Variants in KLK2 observed in about 807,000 individuals in gnomAD.
KLK2 encodes kallikrein-2.
In KLK2, 17 loss-of-function variants were observed where a neutral mutation model predicts 23.0. The observed-to-expected ratio is 0.74, with a 90% CI of 0.51 to 1.11. The LOEUF (loss-of-function observed/expected upper bound fraction) is 1.11, where lower values mean the gene tolerates loss of function less well. Among genes scored for constraint, KLK2 ranks in the 50% least tolerant of loss-of-function variants. The probability of loss-of-function intolerance (pLI) is 0.00; values close to 1 mark genes in which losing one functional copy is unlikely to be tolerated. For missense variants in KLK2, 330 were observed against 325.9 expected (o/e 1.01, Z -0.10); for synonymous variants, 140 against 124.7 (o/e 1.12, Z -0.82).
chr19:50,874,451 C>T, intron 1 of KLK2: 1 of 320,122 alleles, frequency 3.1e-6, no homozygotes, highest in Non-Finnish European at 5.7e-6. Flanking sequence ...CAACCCGATG[C>T]CTGCTTCAGA....
chr19:50,874,864 G>T lies in KLK2; in HGVS notation c.190G>T (p.Ala64Ser). Residue 64 changes from alanine to serine, a missense_variant, in exon 2 of 5, where the codon GCC becomes TCC. Physicochemically the swap from Ala to Ser is moderately conservative, Grantham distance 99 (BLOSUM62 1). Coordinates refer to ENST00000325321, the MANE Select transcript of KLK2 (RefSeq NM_005551.5). ...GCACCCCCAGTGGGTGCTCACAGCT[G>T]CCCATTGCCTAAAGAAGTAAGTAGG... is the stretch of plus-strand genomic sequence containing the variant. Reference protein sequence around the residue: ...LVHPQWVLTAAHCLKKNSQVW... With the variant: ...LVHPQWVLTASHCLKKNSQVW... 6.2e-7 allele frequency: 1 copy of T among 1,612,940 alleles called. No individual in the cohort carries two copies.
At position 50,876,975 on chromosome 19, in the gene KLK2, T is replaced by C. The variant is rs770997664; in HGVS notation, c.597T>C (p.Ala199=). Residue 199 remains alanine (A), a synonymous_variant, in exon 4 of 5, where the codon GCT becomes GCC. Transcript: ENST00000325321. Reference sequence around the variant, plus strand: ...AGGTGACAGAGTTCATGTTGTGTGCTGGGCTCTGGACAGGTGGTAAAGACA... The same window carrying C: ...AGGTGACAGAGTTCATGTTGTGTGCCGGGCTCTGGACAGGTGGTAAAGACA... ...SEKVTEFMLC[A]GLWTGGKDTC... 1 of 1,614,092 alleles carries C rather than the reference T, an allele frequency of 6.2e-7. No homozygotes were observed. Among genetic ancestry groups the C allele is most frequent in the African/African-American group, 1.3e-5 (1 of 74,934 alleles).
rs1055206200 is a variant in KLK2, at chr19:50,880,048, A to C, written c.*1489A>C. 7 of 229,330 alleles carry C rather than the reference A, an allele frequency of 3.1e-5. No homozygotes were observed. In the Admixed American group the frequency reaches 3.4e-4, roughly 11 times the overall value. The allele number at this position is 229,330 out of a possible 1,614,324, so 14.2% of individuals were successfully genotyped here. On this transcript the variant is annotated 3_prime_UTR_variant, in exon 5 of 5. Coordinates refer to ENST00000325321, the MANE Select transcript of KLK2 (RefSeq NM_005551.5). ...TCCAGAAATAGGGGCACATTGAGGA[A>C]TGATACTGAGCCCAAAGAGCATTCA...
rs1044802355 is a variant in KLK2 at position 50,874,555 on chromosome 19, C to T, written c.47-166C>T. The T allele has an allele frequency of 7.1e-6, 4 of 564,906 alleles. No individual in the cohort carries two copies. In the African/African-American group the frequency reaches 7.6e-5, roughly 11 times the overall value. 35.0% of individuals were successfully genotyped at this position (564,906 alleles called of 1,614,324 possible). ...TGGTCCAGCCACCAACCCGCTAACG[C>T]AGGGAATAGCTACAGAATTGCCAGC... On this transcript the variant is annotated intron_variant, in intron 1 of 4. Coordinates refer to ENST00000325321, the MANE Select transcript of KLK2 (RefSeq NM_005551.5).
Position 50,880,200 on chromosome 19 carries a change from T to C in KLK2, c.*1641T>C, listed in dbSNP as rs557738502. On this transcript the variant is annotated 3_prime_UTR_variant, in exon 5 of 5. Coordinates refer to ENST00000325321, the MANE Select transcript of KLK2 (RefSeq NM_005551.5). ...TATGAGATCAACAGTTTCTTAGCCA[T>C]AGAGATTCACAGCCCAGAGCAGGAG... The C allele has an allele frequency of 3.9e-5, 9 of 230,294 alleles. No individual in the cohort carries two copies. In the South Asian group the frequency reaches 1.5e-3, roughly 37 times the overall value. 14.3% of individuals were successfully genotyped at this position (230,294 alleles called of 1,614,324 possible).
intron 4 of KLK2, chr19:50,877,213 C>A: frequency 3.1e-6 from 2 of 646,122 alleles, no homozygotes; most frequent in Non-Finnish European, 5.4e-6. Context: ...CATAATTCAC[C>A]CATTCCTGTG....
chr19:50,874,218 A>G (rs1247658306), intron 1 of KLK2: 1 of 153,350 alleles, frequency 6.5e-6, no homozygotes, highest in East Asian at 1.9e-4. Context: ...CCTCAAAAAC[A>G]AAACAAAACA....
chr19:50,875,050 C>G, intron 2 of KLK2, 170 bp downstream of exon 2: 1 of 1,300,566 alleles, frequency 7.7e-7, no homozygotes, highest in Non-Finnish European at 1.0e-6. Context: ...CCACTCTCCC[C>G]ATGGCTGCCT....
In KLK2 at chr19:50,880,261, C is replaced by T. The variant is rs986627752; in HGVS notation, c.*1702C>T. ...ACCATGCAGGATGACATGGGGGATG[C>T]GCTCGGGATTGGTGTGAAGAAGCAA... is the stretch of plus-strand genomic sequence containing the variant. On this transcript the variant is annotated 3_prime_UTR_variant, in exon 5 of 5. Coordinates refer to ENST00000325321, the MANE Select transcript of KLK2 (RefSeq NM_005551.5). The T allele has an allele frequency of 6.1e-5, 14 of 229,658 alleles. No homozygotes were observed. Among genetic ancestry groups the T allele is most frequent in the African/African-American group, 8.9e-5 (4 of 45,092 alleles). 14.2% of individuals were successfully genotyped at this position (229,658 alleles called of 1,614,324 possible).
chr19:50,874,546 C>A, intron 1 of KLK2, 175 bp from the exon 2 acceptor site: 1 of 550,910 alleles, frequency 1.8e-6, no homozygotes, highest in Non-Finnish European at 3.2e-6. Context: ...AGCCACCAAC[C>A]CGCTAACGCA....
intron 2 of KLK2, 138 bp downstream of exon 2, chr19:50,875,018 C>G: frequency 2.9e-6 from 4 of 1,394,772 alleles, no homozygotes; most frequent in Non-Finnish European, 3.7e-6. Flanking sequence ...AGGTCGCACC[C>G]GGAGGCAGAG....
At position 50,880,302 on chromosome 19, in the gene KLK2, G is replaced by A; in HGVS notation, c.*1743G>A. ...GAAGAAGCAAGGACTGTTAGAGGCA[G>A]GCTTTATAGTAACAAGACGGTGGGG... On this transcript the variant is annotated 3_prime_UTR_variant, in exon 5 of 5. Coordinates refer to ENST00000325321, the MANE Select transcript of KLK2 (RefSeq NM_005551.5). 4.4e-6 allele frequency: 1 copy of A among 228,996 alleles called. No homozygotes were observed. Among genetic ancestry groups the A allele is most frequent in the Admixed American group, 5.7e-5 (1 of 17,654 alleles). 14.2% of individuals were successfully genotyped at this position (228,996 alleles called of 1,614,324 possible).
rs777714551 is a variant in KLK2, at chr19:50,878,600, A to C, written c.*41A>C. The C allele has an allele frequency of 2.3e-5, 37 of 1,578,242 alleles. No homozygotes were observed. The highest frequency in any genetic ancestry group is 1.1e-4 in the East Asian group (5 of 44,252). On this transcript the variant is annotated 3_prime_UTR_variant, in exon 5 of 5. Transcript: ENST00000325321. ...CCCTACCTCTAGTAAATTTAAGTCC[A>C]CCTCACGTTCTGGCATCACTTGGCC... is the stretch of plus-strand genomic sequence containing the variant.
At chr19:50,874,437 C>T (rs146159836) in intron 1 of KLK2, 306 of 286,054 alleles carry the variant, frequency 1.1e-3, no homozygotes, top group Non-Finnish European at 1.6e-3. Context: ...AATGACCCAA[C>T]CCCCAACCCG....
rs1159613197 is a variant in KLK2 at position 50,880,109 on chromosome 19, G to T, written c.*1550G>T. On this transcript the variant is annotated 3_prime_UTR_variant, in exon 5 of 5. Transcript: ENST00000325321. Reference sequence around the variant, plus strand: ...TATTTGCCTTCTTTTCACACCATTGGTGAGGGAGGGATTACCACCCTGGGG... The same window carrying T: ...TATTTGCCTTCTTTTCACACCATTGTTGAGGGAGGGATTACCACCCTGGGG... 5 of 228,814 alleles carry T rather than the reference G, an allele frequency of 2.2e-5. No individual in the cohort carries two copies. 14.2% of individuals were successfully genotyped at this position (228,814 alleles called of 1,614,324 possible).
In KLK2 at chr19:50,873,494, C is replaced by G; in HGVS notation, c.21C>G (p.Ser7=). ...TCAGCATGTGGGACCTGGTTCTCTCCATCGCCTTGTCTGTGGGGTGCACTG... is the reference window on the plus strand; with the variant it reads ...TCAGCATGTGGGACCTGGTTCTCTCGATCGCCTTGTCTGTGGGGTGCACTG... MWDLVL[S]IALSVGCTGA... is the part of the protein sequence containing the mutation. Residue 7 remains serine (S), a synonymous_variant, in exon 1 of 5, where the codon TCC becomes TCG. Coordinates refer to ENST00000325321, the MANE Select transcript of KLK2 (RefSeq NM_005551.5). The G allele has an allele frequency of 6.2e-7, 1 of 1,602,242 alleles. No individual in the cohort carries two copies. Among genetic ancestry groups the G allele is most frequent in the Non-Finnish European group, 8.5e-7 (1 of 1,173,090 alleles).
In KLK2 at chr19:50,879,986, AT is replaced by A. The variant is rs1394868713; in HGVS notation, c.*1428del. The A allele has an allele frequency of 8.7e-6, 2 of 230,050 alleles. No individual in the cohort carries two copies. The highest frequency in any genetic ancestry group is 4.4e-5 in the African/African-American group (2 of 45,150). 14.3% of individuals were successfully genotyped at this position (230,050 alleles called of 1,614,324 possible). A position where few individuals can be genotyped will look rare whatever the true frequency, so the allele number is the denominator to read the frequency against. ...CCTGGGGATTTGGTTTGGTCTTGTGATCAGGTGGTCTATGGGGCTATCCCTA... is the reference window on the plus strand; with the variant it reads ...CCTGGGGATTTGGTTTGGTCTTGTGACAGGTGGTCTATGGGGCTATCCCTA... On this transcript the variant is annotated 3_prime_UTR_variant, in exon 5 of 5. Coordinates refer to ENST00000325321, the MANE Select transcript of KLK2 (RefSeq NM_005551.5).
chr19:50,878,306 C>G, intron 4 of KLK2, 98 bp from the exon 5 acceptor site: 2 of 1,190,398 alleles, frequency 1.7e-6, no homozygotes, highest in Non-Finnish European at 2.4e-6. Flanking sequence ...CTGGGAATTG[C>G]TCTCAGTCAT....
chr19:50,877,137 A>T (rs1294111116), intron 4 of KLK2, 129 bp downstream of exon 4: 2 of 1,198,502 alleles, frequency 1.7e-6, no homozygotes, highest in South Asian at 2.8e-5. Flanking sequence ...CCCCCTCCCC[A>T]TGCCTCATCT....
Sources: allele counts gnomAD v4.1 joint callset, GRCh38; gene constraint gnomAD v4.1.1; transcripts MANE v1.5; gene names NCBI Gene and HGNC (gene_info 2026-07-23, HGNC 2026-07-21).